PRKAR2A: variants seen among roughly 807,000 people sequenced by gnomAD.
PRKAR2A encodes the protein cAMP-dependent protein kinase type II-alpha regulatory subunit.
In PRKAR2A, 29 loss-of-function variants were observed where a neutral mutation model predicts 51.9. The observed-to-expected ratio is 0.56, with a 90% confidence interval of 0.42 to 0.76. PRKAR2A has a LOEUF of 0.76. Ranked by LOEUF, PRKAR2A falls within the 30% of genes least tolerant of loss-of-function variation. The probability of loss-of-function intolerance (pLI) is 0.00; values close to 1 mark genes in which losing one functional copy is unlikely to be tolerated. For synonymous variants in PRKAR2A, 178 were observed against 186.2 expected (o/e 0.96, Z 0.36); for missense variants, 445 against 512.1 (o/e 0.87, Z 1.26).
chr3:48,788,858 T>C (rs1317701925), intron 4 of PRKAR2A, among the ~76,000 whole-genome samples: 1 of 152,078 alleles, frequency 6.6e-6, no homozygotes, highest in African/African-American at 2.4e-5. Flanking sequence ...GGTTACAGTA[T>C]TTTGTTATAG....
intron 1 of PRKAR2A, among the ~76,000 whole-genome samples, chr3:48,835,940 A>G (rs760024639): frequency 1.3e-5 from 2 of 152,168 alleles, no homozygotes; most frequent in Non-Finnish European, 2.9e-5. Flanking sequence ...CATATAAATC[A>G]ATGGAACAGA....
intron 2 of PRKAR2A, among the ~76,000 whole-genome samples, chr3:48,796,333 CCATT>C (rs1186604195): frequency 6.6e-6 from 1 of 152,144 alleles, no homozygotes; most frequent in Non-Finnish European, 1.5e-5. Flanking sequence ...TGAACTATTA[CCATT>C]ATTATCTTGG....
rs111486899 is a variant in PRKAR2A, at chr3:48,752,528, G to T, written c.940-211C>A. ...AAAGTCTGCTTTTTACCTAGAGCTC[G>T]GAGTCCTAACATTTTCAAGGTAATC... is the stretch of plus-strand genomic sequence containing the variant. On this transcript the variant is annotated intron_variant, in intron 9 of 10. Coordinates refer to ENST00000265563, the MANE Select transcript of PRKAR2A (RefSeq NM_004157.4). Among the ~76,000 whole-genome samples, 389 of 152,162 alleles carry T rather than the reference G, an allele frequency of 2.6e-3. 3 individuals are homozygous for T. Among genetic ancestry groups the T allele is most frequent in the African/African-American group, 8.5e-3 (353 of 41,496 alleles).
chr3:48,776,469 C>T (rs1485339978), intron 5 of PRKAR2A, among the ~76,000 whole-genome samples: 1 of 151,946 alleles, frequency 6.6e-6, no homozygotes, highest in Non-Finnish European at 1.5e-5. Context: ...CTATATATAT[C>T]ATGGAGTCAT....
chr3:48,778,953 G>A (rs548060789), intron 5 of PRKAR2A, among the ~76,000 whole-genome samples: 2 of 150,796 alleles, frequency 1.3e-5, no homozygotes, highest in South Asian at 4.2e-4. Context: ...AACCTCCTAA[G>A]TAGCTGGGAT....
At chr3:48,812,650 T>A (rs1357626217) in intron 1 of PRKAR2A, among the ~76,000 whole-genome samples, 1 of 152,080 alleles carries the variant, frequency 6.6e-6, no homozygotes, top group Admixed American at 6.6e-5. Context: ...GCCTGGCTAA[T>A]TTTTTGTGTT....
chr3:48,787,134 G>A (rs1293821585), intron 4 of PRKAR2A, among the ~76,000 whole-genome samples: 1 of 151,028 alleles, frequency 6.6e-6, no homozygotes, highest in African/African-American at 2.4e-5. Context: ...CCAGAAAAAA[G>A]ACATTATTGA....
chr3:48,816,458 G>C (rs1349611814), intron 1 of PRKAR2A, among the ~76,000 whole-genome samples: 2 of 151,578 alleles, frequency 1.3e-5, no homozygotes, highest in Non-Finnish European at 2.9e-5. Flanking sequence ...GGCCAACATG[G>C]TGAAACCCCA....
At chr3:48,785,855 G>A (rs903411334) in intron 4 of PRKAR2A, among the ~76,000 whole-genome samples, 3 of 152,172 alleles carry the variant, frequency 2.0e-5, no homozygotes, top group South Asian at 2.1e-4. Context: ...AAGCAAATGT[G>A]GTATAATGTT....
intron 5 of PRKAR2A, among the ~76,000 whole-genome samples, chr3:48,773,344 T>C (rs934099323): frequency 1.2e-4 from 17 of 139,036 alleles, no homozygotes; most frequent in African/African-American, 3.2e-4. Context: ...CTTTTCTTTT[T>C]TTTTTTTTTT....
intron 1 of PRKAR2A, among the ~76,000 whole-genome samples, chr3:48,815,330 A>C (rs2082856375): frequency 6.6e-6 from 1 of 151,044 alleles, no homozygotes; most frequent in South Asian, 2.1e-4. Flanking sequence ...ATATACATAC[A>C]TATTTTATAT....
At chr3:48,744,940 T>C (rs2081544405), downstream of PRKAR2A, among the ~76,000 whole-genome samples, 1 of 151,422 alleles carries the variant, frequency 6.6e-6, no homozygotes, top group Non-Finnish European at 1.5e-5. Context: ...AGTGGCGCAA[T>C]CTTGGTTCAC....
At chr3:48,784,726 C>T (rs2082259579) in intron 4 of PRKAR2A, among the ~76,000 whole-genome samples, 1 of 152,108 alleles carries the variant, frequency 6.6e-6, no homozygotes, top group Non-Finnish European at 1.5e-5. Context: ...TACAGTAAGT[C>T]CTCAATGTGG....
At chr3:48,782,869 G>A in intron 5 of PRKAR2A, 117 bp downstream of exon 5, 1 of 699,534 alleles carries the variant, frequency 1.4e-6, no homozygotes, top group East Asian at 2.7e-5. Flanking sequence ...GCTTTGGGAA[G>A]CTTGTTCACC....
Position 48,776,105 on chromosome 3 carries a change from AAAACAAAC to A in PRKAR2A, c.543-3005_543-2998del, listed in dbSNP as rs377471790. 2.6e-4 allele frequency among the ~76,000 whole-genome samples: 40 copies of A among 152,116 alleles called. 1 individual carries two copies. Among genetic ancestry groups the A allele is most frequent in the African/African-American group, 7.0e-4 (29 of 41,470 alleles). ...CTGGGCAACAGAGAGGCTCAGTCTC[AAAACAAAC>A]AAACAAACAAACAAACAAACGATAC... On this transcript the variant is annotated intron_variant, in intron 5 of 10. Coordinates refer to ENST00000265563, the MANE Select transcript of PRKAR2A (RefSeq NM_004157.4).
At chr3:48,826,273 A>T in intron 1 of PRKAR2A, among the ~76,000 whole-genome samples, 1 of 152,196 alleles carries the variant, frequency 6.6e-6, no homozygotes. Context: ...TCTCAAAAAA[A>T]TTCAGGGGTT....
chr3:48,746,016 G>A (rs893221342), downstream of PRKAR2A, among the ~76,000 whole-genome samples: 1 of 152,094 alleles, frequency 6.6e-6, no homozygotes, highest in Non-Finnish European at 1.5e-5. Context: ...GCTTTTGGAC[G>A]CTAACTGAAA....
chr3:48,825,305 G>A (rs760034906), intron 1 of PRKAR2A, among the ~76,000 whole-genome samples: 2 of 151,504 alleles, frequency 1.3e-5, no homozygotes, highest in Non-Finnish European at 2.9e-5. Context: ...CACCACACCC[G>A]GCCTGATTTT....
chr3:48,831,782 A>G (rs1205874628), intron 1 of PRKAR2A, among the ~76,000 whole-genome samples: 1 of 151,818 alleles, frequency 6.6e-6, no homozygotes, highest in Non-Finnish European at 1.5e-5. Flanking sequence ...ACACCTGGCT[A>G]ATTTTTGTAT....
Sources: gnomAD v4.1 joint callset for allele counts (sites outside exome capture counted in the v4.1 genomes callset) on GRCh38, gnomAD v4.1.1 for gene constraint, MANE v1.5 for transcripts, NCBI Gene and HGNC (gene_info 2026-07-23, HGNC 2026-07-21) for gene names.